RGS8: variants seen among roughly 807,000 people sequenced by gnomAD.
RGS8 encodes the protein regulator of G protein signaling 8, also known as regulator of G-protein signaling 8.
A neutral mutation model predicts 21.7 loss-of-function variants in RGS8; 8 were observed. The ratio of observed to expected loss-of-function variants is 0.37; its 90% CI spans 0.22 to 0.66. The LOEUF is 0.66. RGS8 is among the 30% of genes least tolerant of loss of function. The pLI is 0.59. For missense variants in RGS8, 157 were observed against 217.9 expected, an observed-to-expected ratio of 0.72 and a Z score of 1.76; for synonymous variants, 80 against 83.6, an observed-to-expected ratio of 0.96 and a Z score of 0.24.
At chr1:182,722,806 C>T in the RGS8 span, among the ~76,000 whole-genome samples, 1 of 152,012 alleles carries the variant, frequency 6.6e-6, no homozygotes, top group Admixed American at 6.6e-5. Context: ...GAAACCCCGT[C>T]TCTACTAAAA....
rs1664177270 is a variant in RGS8 at position 182,671,803 on chromosome 1, TA to T, written c.-178+45del. On this transcript the variant is annotated intron_variant, in intron 1 of 6. Transcript: ENST00000483095. ...TGAAGGGCATGTGTGCATGAACACA[TA>T]GGGGCACACACACACATATACACAC... 5 of 1,609,320 alleles carry T rather than the reference TA, an allele frequency of 3.1e-6. No homozygotes were observed. The South Asian group carries it at 5.5e-5, about 18-fold the overall frequency.
chr1:182,648,307 C>T lies in RGS8; in HGVS notation c.194-4G>A, dbSNP rs753358404. 2.9e-5 allele frequency: 47 copies of T among 1,610,820 alleles called. No individual in the cohort carries two copies. Among genetic ancestry groups the T allele is most frequent in the Middle Eastern group, 1.6e-4 (1 of 6,066 alleles). ...GCACGGAATGCAGCCACCCCATCTG[C>T]GGATGTGGGAGGAAGAAAAGAAGAG... On this transcript the variant is annotated splice_region_variant and splice_polypyrimidine_tract_variant and intron_variant, in intron 5 of 6. Coordinates refer to ENST00000483095, the Ensembl canonical transcript of RGS8.
chr1:182,670,899 G>A (rs1032070566), intron 2 of RGS8, among the ~76,000 whole-genome samples: 3 of 152,108 alleles, frequency 2.0e-5, no homozygotes, highest in African/African-American at 7.2e-5. Context: ...TGAAATCAAA[G>A]CTTTTGCAGC....
chr1:182,744,890 C>T, the RGS8 span, among the ~76,000 whole-genome samples: 1 of 152,166 alleles, frequency 6.6e-6, no homozygotes, highest in Non-Finnish European at 1.5e-5. Flanking sequence ...CTGTGAGTGC[C>T]ACTCTCTATT....
chr1:182,714,083 C>A, the RGS8 span, among the ~76,000 whole-genome samples: 1 of 152,072 alleles, frequency 6.6e-6, no homozygotes, highest in Non-Finnish European at 1.5e-5. Flanking sequence ...ACTTTTCTAA[C>A]CTTTCCTCCC....
chr1:182,751,930 T>A, the RGS8 span, among the ~76,000 whole-genome samples: 12 of 152,334 alleles, frequency 7.9e-5, no homozygotes, highest in Non-Finnish European at 1.6e-4. Context: ...TTATTTGAAT[T>A]TGAACATCTT....
chr1:182,706,413 G>A, the RGS8 span, among the ~76,000 whole-genome samples: 2 of 152,164 alleles, frequency 1.3e-5, no homozygotes, highest in Non-Finnish European at 1.5e-5. Flanking sequence ...AACCACCTAA[G>A]TAGGAAGACC....
chr1:182,667,851 AT>A (rs542434099), intron 3 of RGS8, among the ~76,000 whole-genome samples: 234 of 144,994 alleles, frequency 1.6e-3, no homozygotes, highest in Middle Eastern at 3.6e-3. Flanking sequence ...AATATGTTTA[AT>A]TTTTTTTTTT....
the RGS8 span, among the ~76,000 whole-genome samples, chr1:182,712,210 A>G: frequency 3.0e-4 from 46 of 152,320 alleles, no homozygotes; most frequent in Middle Eastern, 3.4e-3. Flanking sequence ...TCATGTGCCA[A>G]TCCTGCCAAA....
In RGS8 at chr1:182,648,713, C is replaced by T. The variant is rs908083993; in HGVS notation, c.194-410G>A. On this transcript the variant is annotated intron_variant, in intron 5 of 6. Transcript: ENST00000483095. ...TCATGCCATTGCACTCCAATCTGGGCGACAGAGCGAGACTCCGTCTCAAAA... is the reference window on the plus strand; with the variant it reads ...TCATGCCATTGCACTCCAATCTGGGTGACAGAGCGAGACTCCGTCTCAAAA... 5.9e-5 allele frequency among the ~76,000 whole-genome samples: 9 copies of T among 151,774 alleles called. No homozygotes were observed. The South Asian group carries it at 8.3e-4, about 14-fold the overall frequency.
the RGS8 span, among the ~76,000 whole-genome samples, chr1:182,694,393 G>A: frequency 6.6e-6 from 1 of 152,112 alleles, no homozygotes; most frequent in Non-Finnish European, 1.5e-5. Flanking sequence ...TGTCCACTGT[G>A]GCCTTGCTTT....
At chr1:182,734,763 G>A in the RGS8 span, 2 of 152,158 alleles carry the variant, frequency 1.3e-5, no homozygotes, top group African/African-American at 4.8e-5. Context: ...ATGTTGGGAG[G>A]TTCAGAGCCT....
the RGS8 span, among the ~76,000 whole-genome samples, chr1:182,724,778 G>A: frequency 1.3e-5 from 2 of 152,064 alleles, no homozygotes; most frequent in Admixed American, 6.6e-5. Context: ...GACTGGTCTC[G>A]AACTCCTGAC....
chr1:182,731,762 GCTTGGACTTCAGGGTC>G, the RGS8 span, among the ~76,000 whole-genome samples: 7 of 152,234 alleles, frequency 4.6e-5, no homozygotes, highest in African/African-American at 1.7e-4. Context: ...TTGAGAATGT[GCTTGGACTTCAGGGTC>G]CTACAGATCA....
chr1:182,695,110 T>C, the RGS8 span, among the ~76,000 whole-genome samples: 1 of 152,086 alleles, frequency 6.6e-6, no homozygotes, highest in Non-Finnish European at 1.5e-5. Context: ...CATCATTGCA[T>C]ACGTGAAACA....
the RGS8 span, among the ~76,000 whole-genome samples, chr1:182,741,352 C>CG: frequency 6.3e-5 from 6 of 95,800 alleles, no homozygotes; most frequent in African/African-American, 4.3e-5. Flanking sequence ...GCTGGCCGGG[C>CG]GGGGGGGCTG....
chr1:182,670,256 T>C (rs1478726662), intron 2 of RGS8, among the ~76,000 whole-genome samples: 1 of 152,208 alleles, frequency 6.6e-6, no homozygotes, highest in Non-Finnish European at 1.5e-5. Flanking sequence ...GAGAGGCTTG[T>C]CAGGCACCAT....
chr1:182,737,524 T>C, the RGS8 span, among the ~76,000 whole-genome samples: 4 of 152,072 alleles, frequency 2.6e-5, no homozygotes, highest in African/African-American at 9.7e-5. Context: ...CGAGATCTGA[T>C]GGTTTTATAA....
At chr1:182,703,996 T>C in the RGS8 span, among the ~76,000 whole-genome samples, 1 of 152,354 alleles carries the variant, frequency 6.6e-6, no homozygotes, top group African/African-American at 2.4e-5. Context: ...TGAAGAAGTT[T>C]GACTTCTTAG....
Sources: gnomAD v4.1 joint callset for allele counts (sites outside exome capture counted in the v4.1 genomes callset) on GRCh38, gnomAD v4.1.1 for gene constraint, MANE v1.5 for transcripts, NCBI Gene and HGNC (gene_info 2026-07-23, HGNC 2026-07-21) for gene names.